The following ANKMY1 variants were observed in gnomAD, a reference collection of about 807,000 sequenced individuals.
ANKMY1 encodes the protein ankyrin repeat and MYND domain containing 1, also known as ankyrin repeat and MYND domain-containing protein 1.
A neutral mutation model predicts 102.0 loss-of-function variants in ANKMY1; 98 were observed. The ratio of observed to expected loss-of-function variants is 0.96; its 90% CI spans 0.82 to 1.14. The LOEUF is 1.14. Ranked by LOEUF, ANKMY1 falls within the 50% of genes most tolerant of loss-of-function variation. ANKMY1 has a pLI of 0.00. For missense variants in ANKMY1, 1,330 were observed against 1,347.6 expected, an observed-to-expected ratio of 0.99 and a Z score of 0.20; for synonymous variants, 582 against 559.9, an observed-to-expected ratio of 1.04 and a Z score of -0.56.
intron 15 of ANKMY1, among the ~76,000 whole-genome samples, chr2:240,482,877 A>T (rs1340354637): frequency 1.3e-5 from 2 of 152,186 alleles, no homozygotes; most frequent in Admixed American, 1.3e-4. Context: ...TCAGTTGTTG[A>T]AAGTGAGGAG....
At chr2:240,560,990 C>G, upstream of ANKMY1, 1 of 1,546,022 alleles carries the variant, frequency 6.5e-7, no homozygotes, top group Non-Finnish European at 8.6e-7. Flanking sequence ...GCCTAGTCTA[C>G]TGCAAGAACG....
At chr2:240,560,695 C>G (rs1282640983), upstream of ANKMY1, 1 of 1,528,000 alleles carries the variant, frequency 6.5e-7, no homozygotes, top group Non-Finnish European at 8.7e-7. Context: ...ATGGGACCGG[C>G]AGAAGCTGGG....
At chr2:240,546,011 G>A (rs1335943441) in intron 4 of ANKMY1, among the ~76,000 whole-genome samples, 5 of 151,842 alleles carry the variant, frequency 3.3e-5, no homozygotes, top group Non-Finnish European at 7.4e-5. Context: ...TACAGAGAAC[G>A]CCACAAAGAT....
intron 5 of ANKMY1, 133 bp from the exon 6 acceptor site, chr2:240,526,578 A>C: frequency 6.8e-7 from 1 of 1,477,832 alleles, no homozygotes. Context: ...CTCCTCAGGT[A>C]CCCTGAGTGC....
the ANKMY1 span, among the ~76,000 whole-genome samples, chr2:240,473,141 A>C: frequency 3.5e-5 from 5 of 142,964 alleles, no homozygotes; most frequent in East Asian, 2.0e-4. Context: ...AAAAAAAAAC[A>C]AAAAAAACCA....
At chr2:240,559,458 G>C (rs2092749926), upstream of ANKMY1, among the ~76,000 whole-genome samples, 3 of 152,202 alleles carry the variant, frequency 2.0e-5, no homozygotes, top group Non-Finnish European at 4.4e-5. Context: ...CTCCTTCATG[G>C]GTTATTAGAC....
intron 15 of ANKMY1, among the ~76,000 whole-genome samples, chr2:240,482,560 G>T (rs571765790): frequency 3.3e-5 from 5 of 152,220 alleles, no homozygotes; most frequent in South Asian, 2.1e-4. Context: ...TCCCCTTTGG[G>T]TTCTTCTTAA....
intron 15 of ANKMY1, among the ~76,000 whole-genome samples, chr2:240,485,573 A>C (rs1007942384): frequency 6.7e-6 from 1 of 149,850 alleles, no homozygotes; most frequent in East Asian, 2.0e-4. Context: ...AGCCTTTACC[A>C]CATGAATCTT....
downstream of ANKMY1, among the ~76,000 whole-genome samples, chr2:240,477,546 G>A (rs1352638780): frequency 6.6e-6 from 1 of 151,934 alleles, no homozygotes; most frequent in South Asian, 2.1e-4. Flanking sequence ...CGGTGTGTGC[G>A]ACCACACCTG....
At chr2:240,533,677 G>C (rs966859175) in intron 4 of ANKMY1, among the ~76,000 whole-genome samples, 1 of 150,060 alleles carries the variant, frequency 6.7e-6, no homozygotes, top group African/African-American at 2.5e-5. Flanking sequence ...GACAATGCAG[G>C]TCTAAATGAC....
At chr2:240,502,909 A>G (rs560132418) in intron 13 of ANKMY1, among the ~76,000 whole-genome samples, 81 of 151,778 alleles carry the variant, frequency 5.3e-4, no homozygotes, top group Non-Finnish European at 9.0e-4. Context: ...CCACGGCCCA[A>G]TGACCCCGTT....
upstream of ANKMY1, chr2:240,560,723 G>T: frequency 6.6e-7 from 1 of 1,524,230 alleles, no homozygotes; most frequent in East Asian, 2.7e-5. Flanking sequence ...GGGCCGCCTC[G>T]CCCGTACCTC....
chr2:240,473,748 G>GAATA, the ANKMY1 span, among the ~76,000 whole-genome samples: 1 of 152,076 alleles, frequency 6.6e-6, no homozygotes, highest in South Asian at 2.1e-4. Context: ...CATATTAACA[G>GAATA]AATAAAGGAT....
chr2:240,560,448 G>C (rs962373102), upstream of ANKMY1: 6 of 495,930 alleles, frequency 1.2e-5, no homozygotes, highest in East Asian at 3.9e-5. Context: ...CCAAGGCCCC[G>C]GCGCCCTGGT....
chr2:240,542,728 A>C (rs890117337), intron 4 of ANKMY1, among the ~76,000 whole-genome samples: 9 of 149,034 alleles, frequency 6.0e-5, no homozygotes, highest in South Asian at 2.1e-4. Context: ...ATCTATATAT[A>C]TATATATATA....
At chr2:240,560,581 G>A (rs2092887669), upstream of ANKMY1, 3 of 1,318,356 alleles carry the variant, frequency 2.3e-6, no homozygotes, top group Non-Finnish European at 2.9e-6. Flanking sequence ...GGACCCGGGG[G>A]CGCCCGGCGG....
chr2:240,544,852 G>A (rs1376032276), intron 4 of ANKMY1, among the ~76,000 whole-genome samples: 2 of 152,198 alleles, frequency 1.3e-5, no homozygotes, highest in South Asian at 4.1e-4. Flanking sequence ...TGGCTCGGAG[G>A]GTCCTACGCC....
Position 240,507,680 on chromosome 2 carries a change from C to T in ANKMY1, c.2406G>A (p.Glu802=). The T allele has an allele frequency of 3.7e-6, 6 of 1,607,234 alleles. No homozygotes were observed. The highest frequency in any genetic ancestry group is 5.1e-6 in the Non-Finnish European group (6 of 1,176,470). ...IASGNELVVK[E]LLTQGADPNL... ...TGGGGTCAGCTCCCTGGGTCAGGAG[C>T]TCCTTCACAACCTGAACATACACAG... Residue 802 remains glutamate (E), a synonymous_variant, in exon 13 of 18, where the codon GAG becomes GAA. Transcript: ENST00000401804.
Position 240,520,250 on chromosome 2 carries a change from G to A in ANKMY1, c.2004+112C>T. 1 of 1,447,296 alleles carries A rather than the reference G, an allele frequency of 6.9e-7. No individual in the cohort carries two copies. The highest frequency in any genetic ancestry group is 9.4e-7 in the Non-Finnish European group (1 of 1,065,472). The allele number at this position is 1,447,296 out of a possible 1,614,324, so 89.7% of individuals were successfully genotyped here. A position where few individuals can be genotyped will look rare whatever the true frequency, so the allele number is the denominator to read the frequency against. On this transcript the variant is annotated intron_variant, in intron 9 of 17. Transcript: ENST00000401804. The surrounding 1 kb of genome is among the most constrained non-coding windows in gnomAD (Gnocchi z 4.8). ...GTCATCACTCACAGCCCAGGTGGTCGCCTGCAAGAGCCCACCCCTCTCTTC... is the reference window on the plus strand; with the variant it reads ...GTCATCACTCACAGCCCAGGTGGTCACCTGCAAGAGCCCACCCCTCTCTTC...
Sources: allele counts gnomAD v4.1 joint callset (sites outside exome capture counted in the v4.1 genomes callset), GRCh38; gene constraint gnomAD v4.1.1; non-coding constraint Gnocchi (gnomAD v3.1); transcripts MANE v1.5; gene names NCBI Gene and HGNC (gene_info 2026-07-23, HGNC 2026-07-21).